Variants in RABGAP1 observed in about 807,000 individuals in gnomAD.
RABGAP1 encodes rab GTPase-activating protein 1.
RABGAP1 carries 23 observed loss-of-function variants against 137.6 expected under a neutral mutation model. That is an observed-to-expected ratio of 0.17 (90% confidence interval 0.12 to 0.24). The LOEUF is 0.24. RABGAP1 is among the 10% of genes least tolerant of loss of function. RABGAP1 has a pLI of 1.00. For synonymous variants in RABGAP1, 451 were observed against 450.7 expected (o/e 1.00, Z -0.01); for missense variants, 906 against 1,275.8 (o/e 0.71, Z 4.42).
chr9:122,976,903 T>C (rs1331036868), intron 2 of RABGAP1, among the ~76,000 whole-genome samples: 1 of 152,160 alleles, frequency 6.6e-6, no homozygotes, highest in Non-Finnish European at 1.5e-5. Context: ...TCTTAAAGAA[T>C]ACACAGGAGG....
chr9:123,078,238 G>C (rs970158289), intron 19 of RABGAP1, among the ~76,000 whole-genome samples: 2 of 151,244 alleles, frequency 1.3e-5, no homozygotes, highest in Non-Finnish European at 2.9e-5. Flanking sequence ...AAAATGAATA[G>C]TGGATTAGAA....
chr9:122,969,332 C>T (rs950194708), intron 2 of RABGAP1, among the ~76,000 whole-genome samples: 2 of 152,222 alleles, frequency 1.3e-5, no homozygotes, highest in African/African-American at 4.8e-5. Flanking sequence ...AACTGCCCAA[C>T]AGGCATTTCT....
At chr9:123,061,030 TGTA>T in intron 13 of RABGAP1, among the ~76,000 whole-genome samples, 1 of 152,316 alleles carries the variant, frequency 6.6e-6, no homozygotes, top group East Asian at 1.9e-4. Flanking sequence ...ATTACTGTGT[TGTA>T]GTATACTTAT....
chr9:123,042,261 C>T (rs931019808), intron 13 of RABGAP1, among the ~76,000 whole-genome samples: 1 of 152,120 alleles, frequency 6.6e-6, no homozygotes, highest in Non-Finnish European at 1.5e-5. Flanking sequence ...TAAGGTGATG[C>T]CCATCAATCA....
At chr9:123,040,343 A>G (rs1341608312) in intron 13 of RABGAP1, among the ~76,000 whole-genome samples, 1 of 152,166 alleles carries the variant, frequency 6.6e-6, no homozygotes, top group South Asian at 2.1e-4. Context: ...AGTCTTCTCT[A>G]TTAGCAGATA....
chr9:122,984,411 G>C (rs1588213424), intron 2 of RABGAP1, 74 bp from the exon 3 acceptor site: 1 of 1,207,542 alleles, frequency 8.3e-7, no homozygotes, highest in East Asian at 2.5e-5. Context: ...ATTTTCTTTA[G>C]AATGTGAACC....
At chr9:123,068,000 T>C (rs2034233185) in intron 14 of RABGAP1, among the ~76,000 whole-genome samples, 1 of 152,188 alleles carries the variant, frequency 6.6e-6, no homozygotes, top group Non-Finnish European at 1.5e-5. Context: ...ATCAACTCTG[T>C]GTTATTAATA....
At chr9:122,981,797 C>G (rs150140027) in intron 2 of RABGAP1, among the ~76,000 whole-genome samples, 126 of 152,258 alleles carry the variant, frequency 8.3e-4, no homozygotes, top group Middle Eastern at 3.4e-3. Flanking sequence ...GACTATAATC[C>G]TAGCACTTTG....
intron 1 of RABGAP1, among the ~76,000 whole-genome samples, chr9:122,944,808 C>T (rs1227352940): frequency 6.6e-6 from 1 of 151,922 alleles, no homozygotes; most frequent in Admixed American, 6.6e-5. Flanking sequence ...AACTCCTGAC[C>T]TCAGGTAATC....
intron 11 of RABGAP1, among the ~76,000 whole-genome samples, chr9:123,013,932 A>G (rs2031019706): frequency 6.6e-6 from 1 of 152,236 alleles, no homozygotes; most frequent in Non-Finnish European, 1.5e-5. Flanking sequence ...GCATTGGTAA[A>G]GATCCATGGA....
intron 24 of RABGAP1, among the ~76,000 whole-genome samples, 161 bp from the exon 25 acceptor site, chr9:123,101,405 T>C (rs1459544230): frequency 6.6e-6 from 1 of 152,198 alleles, no homozygotes; most frequent in African/African-American, 2.4e-5. Context: ...AAGTGGCTTT[T>C]CCAGTAGGTT....
chr9:123,079,852 T>A (rs2034652950), intron 19 of RABGAP1, among the ~76,000 whole-genome samples: 1 of 152,154 alleles, frequency 6.6e-6, no homozygotes, highest in Non-Finnish European at 1.5e-5. Flanking sequence ...TGCCATTACG[T>A]CCTTATCCTA....
At chr9:122,951,692 C>T (rs1834259884) in intron 1 of RABGAP1, among the ~76,000 whole-genome samples, 1 of 152,030 alleles carries the variant, frequency 6.6e-6, no homozygotes, top group South Asian at 2.1e-4. Flanking sequence ...GGCTCAGCCT[C>T]CCAAGTAGCT....
At chr9:123,060,593 C>A (rs2033932409) in intron 13 of RABGAP1, among the ~76,000 whole-genome samples, 1 of 152,204 alleles carries the variant, frequency 6.6e-6, no homozygotes, top group African/African-American at 2.4e-5. Flanking sequence ...GTGGTTATAT[C>A]ATTTACACAC....
At chr9:122,952,926 A>G (rs1009490263) in intron 1 of RABGAP1, among the ~76,000 whole-genome samples, 1 of 152,258 alleles carries the variant, frequency 6.6e-6, no homozygotes, top group South Asian at 2.1e-4. Flanking sequence ...TCTGTTTTAC[A>G]GAATTGTTAG....
Position 123,103,250 on chromosome 9 carries a change from G to A in RABGAP1, c.*37G>A, listed in dbSNP as rs760201475. The A allele has an allele frequency of 3.5e-5, 57 of 1,610,532 alleles. No individual in the cohort carries two copies. The highest frequency in any genetic ancestry group is 4.4e-5 in the South Asian group (4 of 90,662). On this transcript the variant is annotated 3_prime_UTR_variant, in exon 26 of 26. Transcript: ENST00000373647. ...GCCTCCCGACACCTTCAGAAAACAC[G>A]ACACCTTTTGTTGCCTTCTTTGGCC...
intron 14 of RABGAP1, among the ~76,000 whole-genome samples, chr9:123,066,838 A>G (rs2034189290): frequency 6.6e-6 from 1 of 152,276 alleles, no homozygotes. Context: ...AACATGGTTT[A>G]TTATGAAAAA....
At chr9:123,098,637 C>A in intron 22 of RABGAP1, 78 bp from the exon 23 acceptor site, 1 of 1,284,718 alleles carries the variant, frequency 7.8e-7, no homozygotes, top group Non-Finnish European at 1.1e-6. Flanking sequence ...TTTGGGAAGC[C>A]TAGCACTAAG....
At chr9:123,059,774 AAC>A (rs1326032187) in intron 13 of RABGAP1, among the ~76,000 whole-genome samples, 4 of 152,018 alleles carry the variant, frequency 2.6e-5, no homozygotes, top group Non-Finnish European at 5.9e-5. Flanking sequence ...CCCTTCACCA[AAC>A]ACTGAATTTT....
Sources: gnomAD v4.1 joint callset for allele counts (sites outside exome capture counted in the v4.1 genomes callset) on GRCh38, gnomAD v4.1.1 for gene constraint, MANE v1.5 for transcripts, NCBI Gene and HGNC (gene_info 2026-07-23, HGNC 2026-07-21) for gene names.